The following SRP54 variants were observed in gnomAD, a reference collection of about 807,000 sequenced individuals.
SRP54 encodes the protein signal recognition particle 54, also known as signal recognition particle subunit SRP54.
Under a neutral mutation model 64.8 loss-of-function variants are expected in SRP54, and 10 were observed. The ratio of observed to expected loss-of-function variants is 0.15; its 90% CI spans 0.10 to 0.26. SRP54 has a LOEUF of 0.26. Among genes scored for constraint, SRP54 ranks in the 10% least tolerant of loss-of-function variants. The pLI is 1.00. For missense variants in SRP54, 325 were observed against 613.7 expected (o/e 0.53, Z 4.97); for synonymous variants, 193 against 185.6 (o/e 1.04, Z -0.32).
intron 3 of SRP54, among the ~76,000 whole-genome samples, chr14:35,000,457 C>T (rs534100012): frequency 6.6e-6 from 1 of 151,806 alleles, no homozygotes; most frequent in African/African-American, 2.4e-5. Flanking sequence ...ATCCCAGCTA[C>T]TCAGGAGGCT....
chr14:34,987,028 C>A (rs879518671), intron 1 of SRP54, among the ~76,000 whole-genome samples: 5 of 151,536 alleles, frequency 3.3e-5, no homozygotes, highest in Non-Finnish European at 5.9e-5. Context: ...GTCAGGAGAT[C>A]CAGAGCATCC....
At chr14:34,992,776 T>G (rs986980922) in intron 1 of SRP54, among the ~76,000 whole-genome samples, 1 of 152,106 alleles carries the variant, frequency 6.6e-6, no homozygotes, top group Non-Finnish European at 1.5e-5. Context: ...ACATGTACCC[T>G]CTGAATCTAA....
intron 1 of SRP54, among the ~76,000 whole-genome samples, chr14:34,994,152 C>A (rs906305015): frequency 6.6e-6 from 1 of 151,924 alleles, no homozygotes; most frequent in Non-Finnish European, 1.5e-5. Flanking sequence ...TGCCACCATG[C>A]CCAGCTAATT....
rs1440766297 is a variant in SRP54, at chr14:35,014,668, G to A, written c.887-76G>A. On this transcript the variant is annotated intron_variant, in intron 10 of 15. Transcript: ENST00000216774. ...TATTATAACCTCACAAGGTTATTAT[G>A]TATGTGAATGTGTTTTGTATAATGT... The A allele has an allele frequency of 6.5e-6, 7 of 1,073,890 alleles. No individual in the cohort carries two copies. The East Asian group carries it at 7.1e-5, about 11-fold the overall frequency. The allele number at this position is 1,073,890 out of a possible 1,614,324, so 66.5% of individuals were successfully genotyped here. A position where few individuals can be genotyped will look rare whatever the true frequency, so the allele number is the denominator to read the frequency against.
At position 35,019,393 on chromosome 14, in the gene SRP54, T is replaced by C. The variant is rs1165228932; in HGVS notation, c.1156+319T>C. 2.6e-5 allele frequency: 5 copies of C among 191,542 alleles called. No individual in the cohort carries two copies. The Admixed American group carries it at 2.7e-4, about 10-fold the overall frequency. 11.9% of individuals were successfully genotyped at this position (191,542 alleles called of 1,614,324 possible). On this transcript the variant is annotated intron_variant, in intron 13 of 15. Transcript: ENST00000216774. Reference sequence around the variant, plus strand: ...GGTGGAATGCTAGTTTTTAAAGAGTTAAATTTGGCTGGGTGAGGTGGCTCA... The same window carrying C: ...GGTGGAATGCTAGTTTTTAAAGAGTCAAATTTGGCTGGGTGAGGTGGCTCA...
At chr14:35,021,557 C>G (rs895866346) in intron 13 of SRP54, among the ~76,000 whole-genome samples, 6 of 151,970 alleles carry the variant, frequency 3.9e-5, no homozygotes, top group African/African-American at 1.4e-4. Context: ...CGCTTGAACC[C>G]TGGAGGTGGT....
intron 1 of SRP54, among the ~76,000 whole-genome samples, chr14:34,986,130 CT>C (rs145956462): frequency 0.022 from 3,307 of 151,220 alleles, 42 homozygotes; most frequent in East Asian, 0.036. Context: ...TGCTAATTGA[CT>C]TTTTTTTTGG....
intron 9 of SRP54, 32 bp downstream of exon 9, chr14:35,013,526 T>G (rs2044388266): frequency 6.2e-7 from 1 of 1,604,268 alleles, no homozygotes; most frequent in East Asian, 2.2e-5. Context: ...GTCCTCTGTC[T>G]TGGGATTATA....
chr14:34,998,795 A>G (rs1457531988), intron 2 of SRP54, among the ~76,000 whole-genome samples: 1 of 151,758 alleles, frequency 6.6e-6, no homozygotes, highest in Non-Finnish European at 1.5e-5. Flanking sequence ...CCTGGGCAAC[A>G]AGAGCGAAAC....
At chr14:35,025,313 C>T (rs4981263) in intron 14 of SRP54, among the ~76,000 whole-genome samples, 141,063 of 152,248 alleles carry the variant, frequency 0.93, 65,417 homozygotes, top group Non-Finnish European at 0.95. Context: ...ATGAGTATTT[C>T]CAGATGTTTT....
At chr14:35,024,028 C>T (rs1486904176) in intron 14 of SRP54, among the ~76,000 whole-genome samples, 1 of 151,784 alleles carries the variant, frequency 6.6e-6, no homozygotes, top group African/African-American at 2.4e-5. Context: ...CATTATATTT[C>T]TTTATTTATA....
At chr14:35,027,951 G>T (rs2044660283) in intron 14 of SRP54, 137 bp from the exon 15 acceptor site, 2 of 450,968 alleles carry the variant, frequency 4.4e-6, no homozygotes, top group Non-Finnish European at 7.8e-6. Flanking sequence ...GAAATAGAAA[G>T]AATTATGTTA....
At chr14:35,015,924 A>G (rs912394630) in intron 11 of SRP54, among the ~76,000 whole-genome samples, 4 of 152,174 alleles carry the variant, frequency 2.6e-5, no homozygotes, top group Non-Finnish European at 4.4e-5. Flanking sequence ...TCTCAAATTC[A>G]GCATATCCTT....
At chr14:35,009,652 G>T (rs1180015186) in intron 7 of SRP54, among the ~76,000 whole-genome samples, 2 of 152,014 alleles carry the variant, frequency 1.3e-5, no homozygotes, top group Admixed American at 6.6e-5. Context: ...TCCAAATTCA[G>T]CTTATAAGAG....
chr14:35,001,079 C>G (rs763872375), intron 4 of SRP54, 59 bp downstream of exon 4: 1 of 767,774 alleles, frequency 1.3e-6, no homozygotes, highest in Middle Eastern at 2.5e-4. Flanking sequence ...AAAGCGTTAG[C>G]ACTACAAATA....
At chr14:35,007,721 A>G (rs1298544057) in intron 5 of SRP54, among the ~76,000 whole-genome samples, 1 of 145,928 alleles carries the variant, frequency 6.9e-6, no homozygotes, top group South Asian at 2.1e-4. Flanking sequence ...ATATTTACAT[A>G]AAATAGATTT....
intron 1 of SRP54, among the ~76,000 whole-genome samples, chr14:34,984,541 G>A (rs2043863498): frequency 6.6e-6 from 1 of 151,908 alleles, no homozygotes; most frequent in Admixed American, 6.6e-5. Context: ...TTGCTCTGTC[G>A]CCCAGACTGG....
chr14:34,987,974 A>G (rs920377930), intron 1 of SRP54, among the ~76,000 whole-genome samples: 19 of 152,206 alleles, frequency 1.2e-4, no homozygotes, highest in African/African-American at 4.6e-4. Context: ...CGCCAAAACC[A>G]TAAATTCTTG....
At chr14:34,999,221 G>C (rs1296691168) in intron 2 of SRP54, among the ~76,000 whole-genome samples, 4 of 151,836 alleles carry the variant, frequency 2.6e-5, no homozygotes, top group Non-Finnish European at 5.9e-5. Context: ...CGCCATGTTG[G>C]CCAGGCTGTT....
Sources: allele counts gnomAD v4.1 joint callset (sites outside exome capture counted in the v4.1 genomes callset), GRCh38; gene constraint gnomAD v4.1.1; transcripts MANE v1.5; gene names NCBI Gene and HGNC (gene_info 2026-07-23, HGNC 2026-07-21).